The following SAMD4B variants were observed in gnomAD, a reference collection of about 807,000 sequenced individuals.
SAMD4B encodes the protein protein Smaug homolog 2.
A neutral mutation model predicts 74.5 loss-of-function variants in SAMD4B; 5 were observed. That is an observed-to-expected ratio of 0.07 (90% CI 0.04 to 0.14). SAMD4B has a LOEUF of 0.14. Among genes scored for constraint, SAMD4B ranks in the 10% least tolerant of loss-of-function variants. The probability of loss-of-function intolerance (pLI) is 1.00; values close to 1 mark genes in which losing one functional copy is unlikely to be tolerated. For missense variants in SAMD4B, 608 were observed against 921.8 expected (o/e 0.66, Z 4.41); for synonymous variants, 373 against 374.9 (o/e 1.00, Z 0.06).
chr19:39,385,960 G>A, downstream of SAMD4B: 1 of 1,611,366 alleles, frequency 6.2e-7, no homozygotes. Flanking sequence ...CACAATAATG[G>A]TGTCTGAACC....
rs1208645216 is a variant in SAMD4B at position 39,377,602 on chromosome 19, C to T, written c.1222C>T (p.Pro408Ser). 1.9e-6 allele frequency: 3 copies of T among 1,614,100 alleles called. No homozygotes were observed. The highest frequency in any genetic ancestry group is 2.5e-6 in the Non-Finnish European group (3 of 1,179,982). The change falls in exon 8 of 14, where the codon CCT becomes TCT. Residue 408 changes from proline (P) to serine (S), a missense_variant. Physicochemically the swap from Pro to Ser is moderately conservative, Grantham distance 74 (BLOSUM62 -1). Coordinates refer to ENST00000610417, the MANE Select transcript of SAMD4B (RefSeq NM_001384574.2). ...QATVAAATTT[P>S]TAKDGAPGEP... ...CACCGTGGCTGCCGCCACCACCACC[C>T]CTACTGCCAAGGATGGGGCCCCGGG...
chr19:39,342,855 C>T (rs1394628613), intron 1 of SAMD4B, among the ~76,000 whole-genome samples: 2 of 151,952 alleles, frequency 1.3e-5, no homozygotes, highest in East Asian at 1.9e-4. Context: ...CCGGGGGCCT[C>T]TCCTCAGGAC....
At position 39,380,048 on chromosome 19, in the gene SAMD4B, C is replaced by T. The variant is rs1379709225; in HGVS notation, c.1613C>T (p.Ala538Val). ...CTCCTCCGGACATTCCCGCGCAAAGCCGCACTAGAGATGCAGAACTACCGG... is the reference window on the plus strand; with the variant it reads ...CTCCTCCGGACATTCCCGCGCAAAGTCGCACTAGAGATGCAGAACTACCGG... ...LKLLRTFPRK[A>V]ALEMQNYRQQ... Residue 538 changes from alanine to valine, a missense_variant, in exon 10 of 14, where the codon GCC becomes GTC. Physicochemically the swap from Ala to Val is moderately conservative, Grantham distance 64 (BLOSUM62 0). Coordinates refer to ENST00000610417, the MANE Select transcript of SAMD4B (RefSeq NM_001384574.2). 1 of 1,613,820 alleles carries T rather than the reference C, an allele frequency of 6.2e-7. No individual in the cohort carries two copies. The highest frequency in any genetic ancestry group is 1.3e-5 in the African/African-American group (1 of 75,042).
intron 1 of SAMD4B, among the ~76,000 whole-genome samples, chr19:39,344,045 C>T (rs1022740207): frequency 3.5e-5 from 5 of 141,762 alleles, no homozygotes; most frequent in East Asian, 2.3e-4. Context: ...GCCCTCCTGA[C>T]GTATGTTCTT....
At chr19:39,367,865 C>G (rs16958898) in intron 3 of SAMD4B, among the ~76,000 whole-genome samples, 5,044 of 151,550 alleles carry the variant, frequency 0.033, 305 homozygotes, top group African/African-American at 0.12. Context: ...CCCAAGCCTT[C>G]TTTGATGTGG....
In SAMD4B at chr19:39,385,475, C is replaced by CT. The variant is rs1334989577; in HGVS notation, c.*1949dup. ...TGTGCAGGACGCAGGCGGCCCCACT[C>CT]TGATGGGCAGGACCCTGACCCTCTC... On this transcript the variant is annotated 3_prime_UTR_variant, in exon 14 of 14. Transcript: ENST00000610417. 1 of 441,728 alleles carries CT rather than the reference C, an allele frequency of 2.3e-6. No individual in the cohort carries two copies. The highest frequency in any genetic ancestry group is 2.0e-5 in the African/African-American group (1 of 49,412). The allele number at this position is 441,728 out of a possible 1,614,324, so 27.4% of individuals were successfully genotyped here.
downstream of SAMD4B, chr19:39,385,956 A>G (rs1362661771): frequency 6.2e-7 from 1 of 1,611,018 alleles, no homozygotes; most frequent in Non-Finnish European, 8.5e-7. Context: ...TGCTCACAAT[A>G]ATGGTGTCTG....
chr19:39,362,900 A>G (rs111904014), intron 3 of SAMD4B, among the ~76,000 whole-genome samples: 9 of 152,180 alleles, frequency 5.9e-5, no homozygotes, highest in Admixed American at 2.0e-4. Context: ...CAAGTGAGTC[A>G]TCAGAGCTCA....
chr19:39,352,499 A>C (rs890787666), intron 1 of SAMD4B: 11 of 151,996 alleles, frequency 7.2e-5, no homozygotes, highest in Non-Finnish European at 1.0e-4. Flanking sequence ...GAAAAAAAAA[A>C]AAAAAAAAAC....
In SAMD4B at chr19:39,378,376, C is replaced by A; in HGVS notation, c.1445-128C>A. ...ATGATAACCCAAATACCATGGCTAG[C>A]ACTTAATAGTTGATATTCATCCAGC... is the stretch of plus-strand genomic sequence containing the variant. On this transcript the variant is annotated intron_variant, in intron 8 of 13. Transcript: ENST00000610417. This position sits in a 1 kb window ranked among gnomAD's most constrained non-coding sequence, Gnocchi z 4.4. 1.4e-6 allele frequency: 1 copy of A among 728,730 alleles called. No homozygotes were observed. Among genetic ancestry groups the A allele is most frequent in the Non-Finnish European group, 2.4e-6 (1 of 418,574 alleles). The allele number at this position is 728,730 out of a possible 1,614,324, so 45.1% of individuals were successfully genotyped here. A position where few individuals can be genotyped will look rare whatever the true frequency, so the allele number is the denominator to read the frequency against.
chr19:39,375,409 G>A lies in SAMD4B; in HGVS notation c.668-241G>A, dbSNP rs939213700. Among the ~76,000 whole-genome samples the A allele has an allele frequency of 1.3e-5, 2 of 152,158 alleles. No homozygotes were observed. Among genetic ancestry groups the A allele is most frequent in the Non-Finnish European group, 1.5e-5 (1 of 68,026 alleles). Reference sequence around the variant, plus strand: ...GGCAGTAATTCCTGCCAGGGGTGCTGGTGGCTTGAGCCAGCGGAACTGGAG... The same window carrying A: ...GGCAGTAATTCCTGCCAGGGGTGCTAGTGGCTTGAGCCAGCGGAACTGGAG... On this transcript the variant is annotated intron_variant, in intron 4 of 13. Coordinates refer to ENST00000610417, the MANE Select transcript of SAMD4B (RefSeq NM_001384574.2). The surrounding 1 kb of genome is among the most constrained non-coding windows in gnomAD (Gnocchi z 4.1).
chr19:39,388,198 A>G (rs898039397), downstream of SAMD4B: 58 of 802,706 alleles, frequency 7.2e-5, no homozygotes, highest in African/African-American at 9.0e-4. Context: ...GCTCATGTGC[A>G]TGACCAGACA....
downstream of SAMD4B, chr19:39,388,455 T>C: frequency 6.2e-7 from 1 of 1,614,194 alleles, no homozygotes; most frequent in East Asian, 2.2e-5. Flanking sequence ...CCCGAGCAAT[T>C]TTGTAGTCAT....
chr19:39,355,757 G>A (rs2076309830), intron 2 of SAMD4B, among the ~76,000 whole-genome samples: 1 of 152,192 alleles, frequency 6.6e-6, no homozygotes, highest in African/African-American at 2.4e-5. Flanking sequence ...CCTAAGAGGG[G>A]AATTTGGACA....
chr19:39,343,988 C>CG (rs1555716091), intron 1 of SAMD4B, among the ~76,000 whole-genome samples: 2 of 80,918 alleles, frequency 2.5e-5, no homozygotes, highest in East Asian at 3.6e-4. Context: ...CAGGACCCCC[C>CG]CCCCCCACAC....
At chr19:39,386,264 C>G, downstream of SAMD4B, 1 of 1,614,186 alleles carries the variant, frequency 6.2e-7, no homozygotes. This position sits in a 1 kb window ranked among gnomAD's most constrained non-coding sequence, Gnocchi z 6.1. Context: ...GGGCCTCATC[C>G]TCGCTGCTCT....
intron 1 of SAMD4B, among the ~76,000 whole-genome samples, chr19:39,346,045 T>C (rs2075681417): frequency 6.6e-6 from 1 of 152,162 alleles, no homozygotes; most frequent in African/African-American, 2.4e-5. Context: ...CTGCTAAGTC[T>C]GGAGCCTCCA....
At chr19:39,388,606 G>A (rs771373224), downstream of SAMD4B, 7 of 1,613,942 alleles carry the variant, frequency 4.3e-6, no homozygotes, top group African/African-American at 1.3e-5. Context: ...TCCCGCTTTC[G>A]TTTCTTCAAC....
intron 4 of SAMD4B, among the ~76,000 whole-genome samples, chr19:39,374,990 G>GT (rs2077520417): frequency 2.0e-5 from 3 of 152,324 alleles, no homozygotes; most frequent in Admixed American, 2.0e-4. Flanking sequence ...AGGGTTCAGG[G>GT]TAGGCCTCAG....
Sources: gnomAD v4.1 joint callset for allele counts (sites outside exome capture counted in the v4.1 genomes callset) on GRCh38, gnomAD v4.1.1 for gene constraint, Gnocchi (gnomAD v3.1) non-coding constraint, MANE v1.5 for transcripts, NCBI Gene and HGNC (gene_info 2026-07-23, HGNC 2026-07-21) for gene names.